UCK2: variants seen among roughly 807,000 people sequenced by gnomAD.
UCK2 encodes the protein cytidine monophosphokinase 2.
Under a neutral mutation model 30.8 loss-of-function variants are expected in UCK2, and 6 were observed. The observed-to-expected ratio is 0.19, with a 90% confidence interval of 0.11 to 0.38. The LOEUF is 0.38. UCK2 is among the 10% of genes least tolerant of loss of function. The pLI is 1.00. For synonymous variants in UCK2, 125 were observed against 133.6 expected, an observed-to-expected ratio of 0.94 and a Z score of 0.45; for missense variants, 210 against 339.8, an observed-to-expected ratio of 0.62 and a Z score of 3.00.
At chr1:165,863,333 A>C (rs1379138048) in intron 1 of UCK2, among the ~76,000 whole-genome samples, 2 of 152,232 alleles carry the variant, frequency 1.3e-5, no homozygotes, top group Non-Finnish European at 2.9e-5. Context: ...CTTCAGAAAC[A>C]TAGACTTTTC....
chr1:165,853,356 AT>A (rs373561365), intron 1 of UCK2, among the ~76,000 whole-genome samples: 10,779 of 149,776 alleles, frequency 0.072, 404 homozygotes, highest in Non-Finnish European at 0.075. Flanking sequence ...CATATTTGAT[AT>A]TTTTTTTTTT....
chr1:165,882,030 C>A (rs1655512377), intron 1 of UCK2, among the ~76,000 whole-genome samples: 1 of 152,202 alleles, frequency 6.6e-6, no homozygotes, highest in Non-Finnish European at 1.5e-5. Context: ...GGGAATCTTT[C>A]ATCTTCTACT....
chr1:165,877,317 A>C (rs1281761515), intron 1 of UCK2, among the ~76,000 whole-genome samples: 2 of 152,194 alleles, frequency 1.3e-5, no homozygotes, highest in African/African-American at 4.8e-5. Flanking sequence ...CAAACACATA[A>C]GAAATAATAC....
At chr1:165,844,848 T>A (rs1340762270) in intron 1 of UCK2, among the ~76,000 whole-genome samples, 1 of 152,186 alleles carries the variant, frequency 6.6e-6, no homozygotes, top group African/African-American at 2.4e-5. Context: ...CGAGAGGGTG[T>A]GGAAGCTTTG....
chr1:165,887,295 T>TGG (rs1346714490), intron 1 of UCK2, among the ~76,000 whole-genome samples: 9 of 152,188 alleles, frequency 5.9e-5, no homozygotes, highest in African/African-American at 2.2e-4. Flanking sequence ...CAATTAGTCA[T>TGG]ACTGTATCAT....
At chr1:165,867,359 TTC>T (rs1304226092) in intron 1 of UCK2, among the ~76,000 whole-genome samples, 6 of 152,236 alleles carry the variant, frequency 3.9e-5, no homozygotes, top group Non-Finnish European at 5.9e-5. Context: ...CATGAAAGAT[TTC>T]TCTGTTTTAT....
At chr1:165,831,485 C>T (rs1351321653) in intron 1 of UCK2, among the ~76,000 whole-genome samples, 1 of 152,230 alleles carries the variant, frequency 6.6e-6, no homozygotes, top group African/African-American at 2.4e-5. Context: ...TGCCTGCATA[C>T]ATATCTGTGA....
chr1:165,896,326 C>T lies in UCK2; in HGVS notation c.493C>T (p.Arg165Cys), dbSNP rs1647259928. ...VDTDADTRLS[R>C]RVLRDISERG... ...TACAGATGCGGACACCCGGCTCTCA[C>T]GCAGAGGTGCGTTCTAAAAGCCTCA... is the stretch of plus-strand genomic sequence containing the variant. Residue 165 changes from arginine to cysteine, a missense_variant, in exon 4 of 7, where the codon CGC becomes TGC. Arg to Cys is a radical substitution (Grantham distance 180, BLOSUM62 -3). Around this residue, in one of 4 missense-constraint regions of UCK2, gnomAD observed 47 missense variants for 128.7 expected, o/e 0.37. Transcript: ENST00000367879. 2 of 1,614,052 alleles carry T rather than the reference C, an allele frequency of 1.2e-6. No individual in the cohort carries two copies. The highest frequency in any genetic ancestry group is 1.7e-6 in the Non-Finnish European group (2 of 1,180,020).
At chr1:165,850,570 G>A (rs1654565124) in intron 1 of UCK2, among the ~76,000 whole-genome samples, 1 of 151,106 alleles carries the variant, frequency 6.6e-6, no homozygotes, top group African/African-American at 2.4e-5. Flanking sequence ...CTCCCAAGTA[G>A]CTGGGACTAC....
At chr1:165,860,943 G>C (rs1654881192) in intron 1 of UCK2, among the ~76,000 whole-genome samples, 1 of 152,114 alleles carries the variant, frequency 6.6e-6, no homozygotes, top group Admixed American at 6.5e-5. Context: ...AAAAATAAAA[G>C]AAAGCATCTG....
chr1:165,905,361 G>C (rs2101889480), intron 5 of UCK2, among the ~76,000 whole-genome samples: 1 of 152,224 alleles, frequency 6.6e-6, no homozygotes, highest in Middle Eastern at 3.4e-3. Context: ...GCGGGTGCCT[G>C]TAGTCCCAGC....
intron 1 of UCK2, among the ~76,000 whole-genome samples, chr1:165,842,154 G>A (rs1654345797): frequency 6.6e-6 from 1 of 152,120 alleles, no homozygotes; most frequent in Admixed American, 6.5e-5. Flanking sequence ...GCTCTTGGCT[G>A]GTTGGCTTTC....
chr1:165,863,272 T>C (rs914807143), intron 1 of UCK2, among the ~76,000 whole-genome samples: 1 of 152,220 alleles, frequency 6.6e-6, no homozygotes, highest in Non-Finnish European at 1.5e-5. Context: ...GCTTGTGTGT[T>C]GGAGAACAAG....
At chr1:165,882,857 G>T (rs899944565) in intron 1 of UCK2, among the ~76,000 whole-genome samples, 1 of 151,854 alleles carries the variant, frequency 6.6e-6, no homozygotes, top group Non-Finnish European at 1.5e-5. Flanking sequence ...ACACAGTCTC[G>T]CTCTGTCACG....
At chr1:165,903,401 C>T in intron 5 of UCK2, 122 bp downstream of exon 5, 1 of 815,808 alleles carries the variant, frequency 1.2e-6, no homozygotes, top group Non-Finnish European at 2.0e-6. Context: ...CTGAGTGATC[C>T]TCTGTCCTGA....
chr1:165,901,094 C>G (rs1380858048), intron 4 of UCK2, among the ~76,000 whole-genome samples: 1 of 152,078 alleles, frequency 6.6e-6, no homozygotes, highest in South Asian at 2.1e-4. Flanking sequence ...TCCTTCTTAG[C>G]GAGTCTCCCA....
intron 4 of UCK2, among the ~76,000 whole-genome samples, chr1:165,897,264 A>C (rs746818699): frequency 2.6e-5 from 4 of 151,906 alleles, no homozygotes; most frequent in African/African-American, 4.8e-5. Flanking sequence ...AGGCAAGTGA[A>C]GTGGCCACTG....
intron 4 of UCK2, among the ~76,000 whole-genome samples, chr1:165,897,564 T>C (rs1223480029): frequency 1.3e-5 from 2 of 152,138 alleles, no homozygotes; most frequent in African/African-American, 4.8e-5. Flanking sequence ...CGAGGTTAGC[T>C]CCTAGTCACA....
intron 1 of UCK2, among the ~76,000 whole-genome samples, chr1:165,859,289 AC>A (rs1359053256): frequency 2.4e-4 from 36 of 151,742 alleles, no homozygotes; most frequent in African/African-American, 8.7e-4. Context: ...CTAGAGGAGG[AC>A]CCCCTTCCTG....
Sources: allele counts gnomAD v4.1 joint callset (sites outside exome capture counted in the v4.1 genomes callset), GRCh38; gene constraint gnomAD v4.1.1; regional missense constraint gnomAD v4.1.1; transcripts MANE v1.5; gene names NCBI Gene and HGNC (gene_info 2026-07-23, HGNC 2026-07-21).